Variants in NACA observed in about 807,000 individuals in gnomAD.
The protein encoded by NACA is nascent polypeptide associated complex subunit alpha, also known as nascent polypeptide-associated complex subunit alpha.
Under a neutral mutation model 86.4 loss-of-function variants are expected in NACA, and 42 were observed. That is an observed-to-expected ratio of 0.49 (90% CI 0.38 to 0.63). The LOEUF is 0.63. Ranked by LOEUF, NACA falls within the 20% of genes least tolerant of loss-of-function variation. The pLI, the probability that NACA is intolerant of heterozygous loss-of-function variation, is 0.00. For synonymous variants in NACA, 898 were observed against 973.7 expected (o/e 0.92, Z 1.45); for missense variants, 2,157 against 2,483.6 (o/e 0.87, Z 2.80).
In NACA at chr12:56,716,089, T is replaced by G. The variant is rs770917035; in HGVS notation, c.5441A>C (p.Gln1814Pro). ...PSPVPTLPPK[Q>P]QFLPSSPGLV... ...CCCAGGAGAGGACGGCAGAAATTGC[T>G]GTTTAGGAGGCAGAGTGGGAACTGG... is the stretch of plus-strand genomic sequence containing the variant. The change falls in exon 3 of 9, where the codon CAG (glutamine) becomes CCG (proline). Residue 1814 changes from glutamine to proline, a missense_variant. Coordinates refer to ENST00000454682, the MANE Select transcript of NACA (RefSeq NM_001365896.1). 6.2e-7 allele frequency: 1 copy of G among 1,612,974 alleles called. No homozygotes were observed. The highest frequency in any genetic ancestry group is 1.7e-5 in the Admixed American group (1 of 59,942).
rs1195663855 is a variant in NACA, at chr12:56,718,486, G to A, written c.3044C>T (p.Thr1015Ile). 7.2e-6 allele frequency: 9 copies of A among 1,257,834 alleles called. No homozygotes were observed. Among genetic ancestry groups the A allele is most frequent in the Non-Finnish European group, 8.1e-6 (8 of 984,178 alleles). The allele number at this position is 1,257,834 out of a possible 1,614,324, so 77.9% of individuals were successfully genotyped here. Residue 1015 changes from threonine (T) to isoleucine (I), a missense_variant, in exon 3 of 9, where the codon ACT (threonine) becomes ATT (isoleucine). Around this residue, in one of 8 missense-constraint regions of NACA, gnomAD observed 124 missense variants for 186.5 expected, o/e 0.66. Coordinates refer to ENST00000454682, the MANE Select transcript of NACA (RefSeq NM_001365896.1). ...TGGACTTCCTTTGGGGGAGGGAGGAGTCACAGCTGGGGGTGTGGGGGCCCC... is the reference window on the plus strand; with the variant it reads ...TGGACTTCCTTTGGGGGAGGGAGGAATCACAGCTGGGGGTGTGGGGGCCCC... ...PKGAPTPPAV[T>I]PPSPKGSPAA...
chr12:56,713,748 C>T, intron 5 of NACA, 65 bp from the exon 6 acceptor site: 2 of 1,466,904 alleles, frequency 1.4e-6, no homozygotes, highest in Non-Finnish European at 1.9e-6. Context: ...AAGCAAGGAA[C>T]ATAATACAAC....
At position 56,720,434 on chromosome 12, in the gene NACA, C is replaced by T. The variant is rs779035786; in HGVS notation, c.1096G>A (p.Val366Ile). 2.0e-5 allele frequency: 33 copies of T among 1,613,798 alleles called. No individual in the cohort carries two copies. The highest frequency in any genetic ancestry group is 2.8e-5 in the Non-Finnish European group (33 of 1,179,788). ...AAGGCAGCCACAGTAGCAGGAACTA[C>T]CTCATTTCTGGAAGGAAGGGGAGGA... The part of the protein sequence containing the change: ...VIPPLPSRNE[V>I]VPATVAAFPV... Residue 366 changes from valine to isoleucine, a missense_variant, in exon 3 of 9, where the codon GTA becomes ATA. Transcript: ENST00000454682.
Position 56,714,660 on chromosome 12 carries a change from T to C in NACA, c.5687A>G (p.Glu1896Gly), listed in dbSNP as rs752601094. 1.9e-6 allele frequency: 3 copies of C among 1,614,060 alleles called. No individual in the cohort carries two copies. The highest frequency in any genetic ancestry group is 1.3e-5 in the African/African-American group (1 of 74,940). ...KGSGTESDSD[E>G]SVPELEEQDS... The stretch of plus-strand genomic sequence containing the variant: ...CTGTTCTTCAAGCTCTGGTACTGAT[T>C]CATCACTGTCAGATTCTGTTCCAGA... The change falls in exon 4 of 9, where the codon GAA becomes GGA. Residue 1896 changes from glutamate to glycine, a missense_variant. This residue lies in a region of NACA where 797 missense variants were observed against 777.6 expected (regional missense o/e 1.02). Transcript: ENST00000454682.
rs759956371 is a variant in NACA at position 56,716,316 on chromosome 12, T to A, written c.5214A>T (p.Leu1738=). Residue 1738 remains leucine (L), a synonymous_variant, in exon 3 of 9, where the codon CTA becomes CTT. Coordinates refer to ENST00000454682, the MANE Select transcript of NACA (RefSeq NM_001365896.1). ...GPLSTVAPAP[L]LPVQKDSSKT... is the part of the protein sequence containing the mutation. ...TTGAAGAGTCTTTCTGAACAGGGAG[T>A]AGAGGGGCTGGAGCCACTGTGGAAA... is the stretch of plus-strand genomic sequence containing the variant. The A allele has an allele frequency of 6.2e-7, 1 of 1,612,470 alleles. No individual in the cohort carries two copies. Among genetic ancestry groups the A allele is most frequent in the African/African-American group, 1.3e-5 (1 of 74,764 alleles).
rs111433500 is a variant in NACA at position 56,720,883 on chromosome 12, C to T, written c.647G>A (p.Cys216Tyr). Residue 216 changes from cysteine to tyrosine, a missense_variant, in exon 3 of 9, where the codon TGT (cysteine) becomes TAT (tyrosine). This residue lies in a region of NACA where 947 missense variants were observed against 917.9 expected (regional missense o/e 1.03). Coordinates refer to ENST00000454682, the MANE Select transcript of NACA (RefSeq NM_001365896.1). ...PCIVSTVPYH[C>Y]VTPMASIQSG... is the part of the protein sequence containing the mutation. ...TTGAATAGAGGCCATGGGAGTCACA[C>T]AGTGGTAAGGAACAGTACTGACTAT... is the stretch of plus-strand genomic sequence containing the variant. 1.9e-6 allele frequency: 3 copies of T among 1,613,968 alleles called. No individual in the cohort carries two copies. The highest frequency in any genetic ancestry group is 1.3e-5 in the African/African-American group (1 of 75,024).
In NACA at chr12:56,718,914, A is replaced by T. The variant is rs551627714; in HGVS notation, c.2616T>A (p.Pro872=). ...GTAGTGTTACTCCTTTGGGAGACAG[A>T]GGAGTCACAGCTGAGGGAGTAGGGG... ...KGAPTPSAVT[P]LSPKGVTLPP... is the part of the protein sequence containing the mutation. Residue 872 remains proline, a synonymous_variant, in exon 3 of 9, where the codon CCT becomes CCA. Coordinates refer to ENST00000454682, the MANE Select transcript of NACA (RefSeq NM_001365896.1). 4 of 1,435,000 alleles carry T rather than the reference A, an allele frequency of 2.8e-6. No homozygotes were observed. The Admixed American group carries it at 7.5e-5, about 27-fold the overall frequency. 88.9% of individuals were successfully genotyped at this position (1,435,000 alleles called of 1,614,324 possible). A position where few individuals can be genotyped will look rare whatever the true frequency, so the allele number is the denominator to read the frequency against.
intron 4 of NACA, 50 bp downstream of exon 4, chr12:56,714,552 G>C (rs891314967): frequency 7.5e-6 from 12 of 1,608,572 alleles, no homozygotes; most frequent in Middle Eastern, 1.7e-4. Flanking sequence ...AAGTTGCCCT[G>C]ATCAACCCTG....
At chr12:56,723,849 A>T (rs1356865307) in intron 2 of NACA, among the ~76,000 whole-genome samples, 1 of 152,194 alleles carries the variant, frequency 6.6e-6, no homozygotes, top group African/African-American at 2.4e-5. Flanking sequence ...GTTAATTTCG[A>T]CGCTGAGGAT....
chr12:56,723,856 G>A (rs1270686667), intron 2 of NACA, among the ~76,000 whole-genome samples: 1 of 152,140 alleles, frequency 6.6e-6, no homozygotes, highest in South Asian at 2.1e-4. Flanking sequence ...TCGACGCTGA[G>A]GATAAAAGGA....
chr12:56,712,958 A>T, intron 7 of NACA, 50 bp from the exon 8 acceptor site: 1 of 1,613,138 alleles, frequency 6.2e-7, no homozygotes, highest in Non-Finnish European at 8.5e-7. Context: ...GAACAATTTC[A>T]GCAGTTCTTT....
intron 2 of NACA, among the ~76,000 whole-genome samples, chr12:56,723,405 A>G (rs1485692184): frequency 6.6e-6 from 1 of 152,236 alleles, no homozygotes; most frequent in East Asian, 1.9e-4. Flanking sequence ...CACAATCTCT[A>G]AAATCTCGTT....
chr12:56,713,504 G>A (rs1953270555), intron 6 of NACA, 33 bp downstream of exon 6: 9 of 1,610,474 alleles, frequency 5.6e-6, no homozygotes, highest in Non-Finnish European at 7.6e-6. Context: ...AGAAACCCTG[G>A]TCTGGAACAA....
Position 56,720,358 on chromosome 12 carries a change from A to G in NACA, c.1172T>C (p.Ile391Thr), listed in dbSNP as rs1953537440. Residue 391 changes from isoleucine to threonine, a missense_variant, in exon 3 of 9, where the codon ATA (isoleucine) becomes ACA (threonine). Physicochemically the swap from Ile to Thr is moderately conservative, Grantham distance 89. This residue lies in a region of NACA where 947 missense variants were observed against 917.9 expected (regional missense o/e 1.03). Transcript: ENST00000454682. ...TAAGGAGCCAGAAGGGCTGCAGGTTATGCTAGAGATGGTAGAGGGACCTTT... is the reference window on the plus strand; with the variant it reads ...TAAGGAGCCAGAAGGGCTGCAGGTTGTGCTAGAGATGGTAGAGGGACCTTT... ...VDKGPSTISS[I>T]TCSPSGSLNV... is the part of the protein sequence containing the mutation. 6.2e-7 allele frequency: 1 copy of G among 1,613,932 alleles called. No individual in the cohort carries two copies. Among genetic ancestry groups the G allele is most frequent in the Non-Finnish European group, 8.5e-7 (1 of 1,179,864 alleles).
chr12:56,716,035 A>AT lies in NACA; in HGVS notation c.5494_5495insA (p.Leu1832HisfsTer5). The AT allele has an allele frequency of 6.2e-7, 1 of 1,606,728 alleles. No homozygotes were observed. Reference sequence around the variant, plus strand: ...CAGCTCATCCTCATCAGCAGGGGCAAGGGGTTTAGAGGGTGATTCCAACAC... The same window carrying AT: ...CAGCTCATCCTCATCAGCAGGGGCAATGGGGTTTAGAGGGTGATTCCAACAC... On this transcript the variant is annotated frameshift_variant, in exon 3 of 9. Transcript: ENST00000454682. LOFTEE classifies it high-confidence loss of function.
At chr12:56,713,790 A>G (rs1953278023) in intron 5 of NACA, 107 bp from the exon 6 acceptor site, 1 of 1,147,408 alleles carries the variant, frequency 8.7e-7, no homozygotes, top group Non-Finnish European at 1.3e-6. Context: ...CAGGCTGAGA[A>G]AAGTTCATAC....
chr12:56,721,001 C>A lies in NACA; in HGVS notation c.529G>T (p.Ala177Ser). ...AESGSVITLSAPIAPSEPKTN... is the reference protein window; with the variant it reads ...AESGSVITLSSPIAPSEPKTN... ...TTTGGTTCTGAGGGAGCAATGGGAG[C>A]TGACAGAGTTATCACTGACCCTGAC... The change falls in exon 3 of 9, where the codon GCT becomes TCT. Residue 177 changes from alanine (A) to serine (S), a missense_variant. Coordinates refer to ENST00000454682, the MANE Select transcript of NACA (RefSeq NM_001365896.1). The A allele has an allele frequency of 6.2e-7, 1 of 1,613,966 alleles. No individual in the cohort carries two copies. The highest frequency in any genetic ancestry group is 1.3e-5 in the African/African-American group (1 of 75,032).
chr12:56,715,841 A>G, intron 3 of NACA, 30 bp downstream of exon 3: 1 of 1,501,124 alleles, frequency 6.7e-7, no homozygotes, highest in Non-Finnish European at 8.9e-7. Context: ...CGACAGACAC[A>G]CCATGCACAC....
Position 56,720,192 on chromosome 12 carries a change from G to C in NACA, c.1338C>G (p.Pro446=). ...TAGTAGGTGCTGCAGCAATTGTACAGGGGTTAGTCACCACAAGTGGGGTGG... is the reference window on the plus strand; with the variant it reads ...TAGTAGGTGCTGCAGCAATTGTACACGGGTTAGTCACCACAAGTGGGGTGG... ...VGTTPLVVTN[P]CTIAAAPTTT... is the part of the protein sequence containing the mutation. Residue 446 remains proline, a synonymous_variant, in exon 3 of 9, where the codon CCC becomes CCG. Coordinates refer to ENST00000454682, the MANE Select transcript of NACA (RefSeq NM_001365896.1). 1 of 1,613,994 alleles carries C rather than the reference G, an allele frequency of 6.2e-7. No individual in the cohort carries two copies. Among genetic ancestry groups the C allele is most frequent in the Non-Finnish European group, 8.5e-7 (1 of 1,179,898 alleles).
Sources: gnomAD v4.1 joint callset for allele counts (sites outside exome capture counted in the v4.1 genomes callset) on GRCh38, gnomAD v4.1.1 for gene constraint, gnomAD v4.1.1 regional missense constraint, MANE v1.5 for transcripts, NCBI Gene and HGNC (gene_info 2026-07-23, HGNC 2026-07-21) for gene names.